GPR158: variants seen among roughly 807,000 people sequenced by gnomAD.
The protein encoded by GPR158 is G protein-coupled receptor 158.
A neutral mutation model predicts 78.2 loss-of-function variants in GPR158; 30 were observed. That is an observed-to-expected ratio of 0.38 (90% CI 0.29 to 0.52). The LOEUF (loss-of-function observed/expected upper bound fraction) is 0.52. Among genes scored for constraint, GPR158 ranks in the 20% least tolerant of loss-of-function variants. The probability of loss-of-function intolerance (pLI) is 0.83; values close to 1 mark genes in which losing one functional copy is unlikely to be tolerated. For synonymous variants in GPR158, 581 were observed against 591.1 expected (o/e 0.98, Z 0.25); for missense variants, 1,463 against 1,523.5 (o/e 0.96, Z 0.66).
chr10:25,200,059 TTTTTG>T (rs1852900389), intron 1 of GPR158, among the ~76,000 whole-genome samples: 1 of 152,150 alleles, frequency 6.6e-6, no homozygotes, highest in Admixed American at 6.6e-5. Flanking sequence ...TCAAATGGCA[TTTTTG>T]TTTTAAGTGT....
Position 25,598,055 on chromosome 10 carries a change from G to A in GPR158, c.2429G>A (p.Arg810Gln), listed in dbSNP as rs752370530. ...GKSKEETLKN[R>Q]VFSLKKSHST... ...TCCAAGGAGGAGACCCTGAAAAACC[G>A]AGTCTTCTCACTCAAGAAATCCCAC... Residue 810 changes from arginine (R) to glutamine (Q), a missense_variant, in exon 11 of 11, where the codon CGA (arginine) becomes CAA (glutamine). Transcript: ENST00000376351. 32 of 1,613,920 alleles carry A rather than the reference G, an allele frequency of 2.0e-5. No homozygotes were observed. The highest frequency in any genetic ancestry group is 1.6e-4 in the Middle Eastern group (1 of 6,084).
At chr10:25,214,380 G>A (rs1373541118) in intron 1 of GPR158, among the ~76,000 whole-genome samples, 5 of 151,994 alleles carry the variant, frequency 3.3e-5, no homozygotes, top group African/African-American at 1.2e-4. Flanking sequence ...AATACTTTTA[G>A]ACTTTCAGAA....
chr10:25,449,723 A>T (rs1248901903), intron 4 of GPR158, among the ~76,000 whole-genome samples: 1 of 152,194 alleles, frequency 6.6e-6, no homozygotes, highest in Non-Finnish European at 1.5e-5. Flanking sequence ...CCCTGAGAGG[A>T]GATTTTAAGT....
chr10:25,458,315 G>T lies in GPR158; in HGVS notation c.1336-8336G>T, dbSNP rs1471716746. Among the ~76,000 whole-genome samples the T allele has an allele frequency of 2.6e-5, 4 of 152,264 alleles. No homozygotes were observed. In the East Asian group the frequency reaches 5.8e-4, roughly 22 times the overall value. ...GATTAGTAAATTTTTTATAATACCT[G>T]TACCAAACCCTTACTTGAGATTTAT... On this transcript the variant is annotated intron_variant, in intron 4 of 10. Transcript: ENST00000376351.
intron 2 of GPR158, among the ~76,000 whole-genome samples, chr10:25,371,967 G>A (rs999400685): frequency 1.3e-5 from 2 of 150,670 alleles, no homozygotes; most frequent in African/African-American, 2.5e-5. Flanking sequence ...TCTGACAAAG[G>A]GCTAATATCC....
Position 25,358,640 on chromosome 10 carries a change from C to T in GPR158, c.1009-37271C>T, listed in dbSNP as rs565304318. Among the ~76,000 whole-genome samples, 7 of 152,164 alleles carry T rather than the reference C, an allele frequency of 4.6e-5. No homozygotes were observed. The South Asian group carries it at 1.5e-3, about 32-fold the overall frequency. On this transcript the variant is annotated intron_variant, in intron 2 of 10. Coordinates refer to ENST00000376351, the MANE Select transcript of GPR158 (RefSeq NM_020752.3). ...CACCATGATTGTGAGGTCTCCCTAG[C>T]CATGTGGAACTGTAAGTCCAGTAAA...
intron 4 of GPR158, among the ~76,000 whole-genome samples, chr10:25,457,585 C>T (rs145175178): frequency 1.6e-4 from 24 of 152,044 alleles, no homozygotes; most frequent in African/African-American, 4.8e-4. Context: ...GTGAAGCCAT[C>T]GGAAAAATGA....
chr10:25,208,558 TTGTGTGTGTGTGTGTG>T (rs71399956), intron 1 of GPR158, among the ~76,000 whole-genome samples: 83 of 135,242 alleles, frequency 6.1e-4, no homozygotes, highest in Admixed American at 2.0e-3. Context: ...CTATGTGAAT[TTGTGTGTGTGTGTGTG>T]TGTGTGTGTG....
In GPR158 at chr10:25,520,699, C is replaced by T. The variant is rs1379056854; in HGVS notation, c.1405-30277C>T. 2.0e-5 allele frequency among the ~76,000 whole-genome samples: 3 copies of T among 152,070 alleles called. No homozygotes were observed. In the East Asian group the frequency reaches 5.8e-4, roughly 29 times the overall value. ...GTTAGGCTGCTCGGGGGTCAGGGGT[C>T]AGGGACCCGCTTGAGGAGGCAGTCT... is the stretch of plus-strand genomic sequence containing the variant. On this transcript the variant is annotated intron_variant, in intron 5 of 10. Coordinates refer to ENST00000376351, the MANE Select transcript of GPR158 (RefSeq NM_020752.3).
At chr10:25,310,778 G>A (rs897212387) in intron 2 of GPR158, among the ~76,000 whole-genome samples, 1 of 149,300 alleles carries the variant, frequency 6.7e-6, no homozygotes, top group African/African-American at 2.6e-5. Context: ...TTGAGTCATA[G>A]TTAGAGATCT....
Position 25,599,125 on chromosome 10 carries a change from T to A in GPR158, c.3499T>A (p.Ser1167Thr), listed in dbSNP as rs776914374. ...SSNNFQQPLT[S>T]RAEVCPWEFE... ...TAATAACTTCCAGCAACCTTTAACATCACGAGCAGAGGTTTGTCCTTGGGA... is the reference window on the plus strand; with the variant it reads ...TAATAACTTCCAGCAACCTTTAACAACACGAGCAGAGGTTTGTCCTTGGGA... The change falls in exon 11 of 11, where the codon TCA (serine) becomes ACA (threonine). Residue 1167 changes from serine (S) to threonine (T), a missense_variant. Coordinates refer to ENST00000376351, the MANE Select transcript of GPR158 (RefSeq NM_020752.3). 1.9e-6 allele frequency: 3 copies of A among 1,611,504 alleles called. No homozygotes were observed. Among genetic ancestry groups the A allele is most frequent in the Admixed American group, 1.7e-5 (1 of 60,000 alleles).
chr10:25,281,353 C>T (rs951184757), intron 2 of GPR158, among the ~76,000 whole-genome samples: 97 of 147,282 alleles, frequency 6.6e-4, no homozygotes, highest in African/African-American at 2.2e-3. Context: ...CACTTGAGCC[C>T]GGGAGTTTGA....
intron 7 of GPR158, among the ~76,000 whole-genome samples, chr10:25,576,049 CTGT>C (rs762537738): frequency 1.1e-3 from 153 of 142,448 alleles, no homozygotes; most frequent in Non-Finnish European, 1.7e-3. Context: ...TTGAAGAATT[CTGT>C]TGTTGTTTTT....
chr10:25,396,161 G>A, intron 3 of GPR158, 148 bp downstream of exon 3: 1 of 499,724 alleles, frequency 2.0e-6, no homozygotes, highest in South Asian at 3.3e-5. Context: ...TTTAGTTTTA[G>A]TTTGTCATCT....
intron 5 of GPR158, among the ~76,000 whole-genome samples, chr10:25,519,273 A>C (rs1279205831): frequency 1.4e-5 from 2 of 140,078 alleles, no homozygotes; most frequent in Non-Finnish European, 3.1e-5. Flanking sequence ...GTGTCTCTGC[A>C]CGTGAGATGG....
At chr10:25,281,862 C>G (rs1279771209) in intron 2 of GPR158, among the ~76,000 whole-genome samples, 1 of 152,122 alleles carries the variant, frequency 6.6e-6, no homozygotes, top group Non-Finnish European at 1.5e-5. Context: ...GACATTTTTT[C>G]ACTGAGTATA....
At chr10:25,485,398 A>G (rs1223330630) in intron 5 of GPR158, among the ~76,000 whole-genome samples, 1 of 152,140 alleles carries the variant, frequency 6.6e-6, no homozygotes, top group African/African-American at 2.4e-5. Flanking sequence ...ATAGAATCAT[A>G]TAAATAAAAG....
chr10:25,595,205 TCA>T (rs1427306915), intron 9 of GPR158, among the ~76,000 whole-genome samples: 1 of 152,204 alleles, frequency 6.6e-6, no homozygotes, highest in East Asian at 1.9e-4. Context: ...TCCTCAAGTC[TCA>T]CAGTTAACCA....
At chr10:25,328,446 T>G (rs909033538) in intron 2 of GPR158, among the ~76,000 whole-genome samples, 3 of 152,164 alleles carry the variant, frequency 2.0e-5, no homozygotes, top group African/African-American at 7.2e-5. Context: ...ATATATGTAC[T>G]AACATAAATA....
Sources: gnomAD v4.1 joint callset for allele counts (sites outside exome capture counted in the v4.1 genomes callset) on GRCh38, gnomAD v4.1.1 for gene constraint, MANE v1.5 for transcripts, NCBI Gene and HGNC (gene_info 2026-07-23, HGNC 2026-07-21) for gene names.